Variants in KDM6B observed in about 807,000 individuals in gnomAD.
The protein encoded by KDM6B is lysine demethylase 6B.
KDM6B carries 22 observed loss-of-function variants against 150.4 expected under a neutral mutation model. That is an observed-to-expected ratio of 0.15 (90% CI 0.10 to 0.21). The LOEUF is 0.21. Among genes scored for constraint, KDM6B ranks in the 10% least tolerant of loss-of-function variants. The pLI is 1.00. For missense variants in KDM6B, 1,984 were observed against 2,234.3 expected (o/e 0.89, Z 2.26); for synonymous variants, 1,148 against 921.1 (o/e 1.25, Z -4.46).
rs916329181 is a variant in KDM6B, at chr17:7,843,774, G to A, written c.-268-1127G>A. ...ATGGACCGATCCCGGGAGCCGAGTC[G>A]GCTCCCTACCTGCGGGGACGCCGGG... On this transcript the variant is annotated intron_variant, in intron 2 of 23. Transcript: ENST00000448097. The surrounding 1 kb of genome is among the most constrained non-coding windows in gnomAD (Gnocchi z 4.5). 2.6e-5 allele frequency among the ~76,000 whole-genome samples: 4 copies of A among 152,060 alleles called. No homozygotes were observed. Among genetic ancestry groups the A allele is most frequent in the Admixed American group, 1.3e-4 (2 of 15,278 alleles).
At position 7,851,942 on chromosome 17, in the gene KDM6B, C is replaced by T; in HGVS notation, c.4166-9C>T. 2.2e-5 allele frequency: 35 copies of T among 1,612,980 alleles called. No individual in the cohort carries two copies. The highest frequency in any genetic ancestry group is 3.0e-5 in the Non-Finnish European group (35 of 1,179,316). On this transcript the variant is annotated splice_polypyrimidine_tract_variant and intron_variant, in intron 18 of 23. Transcript: ENST00000448097. ...GGCCAGCCATGCCGTTCTCTGTCGACCCCTGCAGGCCACCAGGAGAATAAC... is the reference window on the plus strand; with the variant it reads ...GGCCAGCCATGCCGTTCTCTGTCGATCCCTGCAGGCCACCAGGAGAATAAC...
Position 7,847,429 on chromosome 17 carries a change from G to A in KDM6B, c.1234G>A (p.Gly412Ser), listed in dbSNP as rs1280292528. 2 of 1,613,672 alleles carry A rather than the reference G, an allele frequency of 1.2e-6. No homozygotes were observed. Among genetic ancestry groups the A allele is most frequent in the Non-Finnish European group, 1.7e-6 (2 of 1,179,952 alleles). ...SSSSSNTGLR[G>S]VEPNPGIPGA... is the part of the protein sequence containing the mutation. ...CAGCAGCAGCAACACTGGTCTCCGG[G>A]GCGTGGAGCCGAACCCAGGCATTGT... Residue 412 changes from glycine to serine, a missense_variant, in exon 11 of 24, where the codon GGC becomes AGC. Transcript: ENST00000448097.
intron 15 of KDM6B, 44 bp from the exon 16 acceptor site, chr17:7,851,286 C>T (rs372180571): frequency 3.7e-6 from 6 of 1,613,570 alleles, no homozygotes; most frequent in African/African-American, 2.7e-5. Flanking sequence ...GGAGGGCTCT[C>T]GAAAGGTCTC....
Position 7,849,673 on chromosome 17 carries a change from C to T in KDM6B, c.3385C>T (p.Arg1129Cys), listed in dbSNP as rs201161946. The T allele has an allele frequency of 7.5e-6, 12 of 1,609,234 alleles. No homozygotes were observed. The highest frequency in any genetic ancestry group is 1.7e-4 in the Middle Eastern group (1 of 6,058). The change falls in exon 12 of 24, where the codon CGC becomes TGC. Residue 1129 changes from arginine to cysteine, a missense_variant. By Grantham distance (180) the Arg-to-Cys change is radical. Coordinates refer to ENST00000448097, the MANE Select transcript of KDM6B (RefSeq NM_001348716.2). ...IASEVEERRL[R>C]MADLTISHCA... ...CTCTGAGGTGGAAGAGCGGCGGCTG[C>T]GCATGGCAGACCTCACCATCAGCCA...
chr17:7,835,854 C>T (rs569004434), intron 1 of KDM6B, among the ~76,000 whole-genome samples: 1 of 152,144 alleles, frequency 6.6e-6, no homozygotes, highest in Admixed American at 6.5e-5. Context: ...TGAGGCTGCG[C>T]TCTTCAGCCC....
chr17:7,839,771 G>A (rs764123967), intron 1 of KDM6B, 135 bp from the exon 2 acceptor site: 11 of 152,164 alleles, frequency 7.2e-5, no homozygotes, highest in Non-Finnish European at 2.9e-5. Context: ...GCTTTTTCTG[G>A]TTGCCATGGA....
rs3744247 is a variant in KDM6B, at chr17:7,848,070, C to A, written c.1782C>A (p.Pro594=). The A allele has an allele frequency of 0.083, 133,436 of 1,612,596 alleles. 8,032 individuals carry two copies. Among genetic ancestry groups the A allele is most frequent in the East Asian group, 0.37 (16,371 of 44,730 alleles). Residue 594 remains proline, a synonymous_variant, in exon 12 of 24, where the codon CCC becomes CCA. Transcript: ENST00000448097. ...GGCCTCCCAGCCCAGCACAGAACCC[C>A]CAGGACCCACCTCTTGTACCCCTGA... ...LPRPPSPAQN[P]QDPPLVPLTL...
At chr17:7,850,983 GC>G (rs767967092) in intron 14 of KDM6B, 37 bp from the exon 15 acceptor site, 1 of 1,303,520 alleles carries the variant, frequency 7.7e-7, no homozygotes, top group South Asian at 1.5e-5. Context: ...CCTATCCTCT[GC>G]CTCTGCCCCG....
rs1170953540 is a variant in KDM6B at position 7,854,261 on chromosome 17, C to T, written c.*740C>T. ...GTCCGCCCGCGGCTCCAGCCGGGTT[C>T]TCATGGTGCTCAAACCCGCTCCCCT... On this transcript the variant is annotated 3_prime_UTR_variant, in exon 24 of 24. Coordinates refer to ENST00000448097, the MANE Select transcript of KDM6B (RefSeq NM_001348716.2). The T allele has an allele frequency of 6.6e-6, 1 of 152,612 alleles. No individual in the cohort carries two copies. Among genetic ancestry groups the T allele is most frequent in the Non-Finnish European group, 1.5e-5 (1 of 68,076 alleles). 9.5% of individuals were successfully genotyped at this position (152,612 alleles called of 1,614,324 possible). A position where few individuals can be genotyped will look rare whatever the true frequency, so the allele number is the denominator to read the frequency against.
chr17:7,841,418 G>C (rs1006235446), intron 2 of KDM6B, among the ~76,000 whole-genome samples: 1 of 152,158 alleles, frequency 6.6e-6, no homozygotes, highest in Non-Finnish European at 1.5e-5. Context: ...CGCCAGTGTC[G>C]CCCCGACTCT....
intron 1 of KDM6B, among the ~76,000 whole-genome samples, chr17:7,835,639 G>C (rs768635794): frequency 1.3e-5 from 2 of 152,146 alleles, no homozygotes; most frequent in Non-Finnish European, 2.9e-5. Flanking sequence ...CAGCCAATGG[G>C]GAAGGGGGAT....
In KDM6B at chr17:7,834,337, C is replaced by A. The variant is rs1363082062; in HGVS notation, c.-401C>A. On this transcript the variant is annotated 5_prime_UTR_variant, in exon 1 of 24. Coordinates refer to ENST00000448097, the MANE Select transcript of KDM6B (RefSeq NM_001348716.2). ...TTGGGGAGCCTGAACACCTGGGACC[C>A]CCCCCAGAACCAGGTAACGGGGAGC... Among the ~76,000 whole-genome samples, 1 of 151,978 alleles carries A rather than the reference C, an allele frequency of 6.6e-6. No individual in the cohort carries two copies. Among genetic ancestry groups the A allele is most frequent in the Admixed American group, 6.5e-5 (1 of 15,274 alleles).
Position 7,848,502 on chromosome 17 carries a change from C to A in KDM6B, c.2214C>A (p.Thr738=), listed in dbSNP as rs1383713864. ...CATCTCTGCAGTCTCCTTTCCCCAC[C>A]GACACAGCCCCCACCACTACTGCTC... ...PFASLQSPFP[T]DTAPTTTAPA... Residue 738 remains threonine, a synonymous_variant, in exon 12 of 24, where the codon ACC becomes ACA. Coordinates refer to ENST00000448097, the MANE Select transcript of KDM6B (RefSeq NM_001348716.2). The A allele has an allele frequency of 6.2e-7, 1 of 1,611,872 alleles. No individual in the cohort carries two copies. Among genetic ancestry groups the A allele is most frequent in the African/African-American group, 1.3e-5 (1 of 74,770 alleles).
At chr17:7,851,306 C>T (rs1156334722) in intron 15 of KDM6B, 24 bp from the exon 16 acceptor site, 3 of 1,613,794 alleles carry the variant, frequency 1.9e-6, no homozygotes, top group Non-Finnish European at 2.5e-6. Flanking sequence ...CTGACCCAGG[C>T]CTGCCTACCC....
rs1431080738 is a variant in KDM6B at position 7,843,489 on chromosome 17, GCAAA to G, written c.-268-1406_-268-1403del. Among the ~76,000 whole-genome samples the G allele has an allele frequency of 6.6e-6, 1 of 152,218 alleles. No individual in the cohort carries two copies. The highest frequency in any genetic ancestry group is 2.4e-5 in the African/African-American group (1 of 41,454). On this transcript the variant is annotated intron_variant, in intron 2 of 23. Transcript: ENST00000448097. This position sits in a 1 kb window ranked among gnomAD's most constrained non-coding sequence, Gnocchi z 4.5. ...ACCTGTAGGGTCCAAGCGCTTCCAT[GCAAA>G]CAAACGACCTTGCCCCTTCGGGAAG... is the stretch of plus-strand genomic sequence containing the variant.
In KDM6B at chr17:7,847,801, T is replaced by C; in HGVS notation, c.1513T>C (p.Phe505Leu). The C allele has an allele frequency of 6.5e-7, 1 of 1,547,490 alleles. No homozygotes were observed. The highest frequency in any genetic ancestry group is 2.3e-4 in the Middle Eastern group (1 of 4,358). ...REDGEILEEL[F>L]FGTEGPPRPA... Reference sequence around the variant, plus strand: ...GGATGGAGAGATCTTAGAAGAGCTCTTCTTTGGGACTGAGGGACCCCCCCG... The same window carrying C: ...GGATGGAGAGATCTTAGAAGAGCTCCTCTTTGGGACTGAGGGACCCCCCCG... Residue 505 changes from phenylalanine (F) to leucine (L), a missense_variant, in exon 12 of 24, where the codon TTC becomes CTC. Around this residue, in one of 13 missense-constraint regions of KDM6B, gnomAD observed 1,379 missense variants for 1,275.6 expected, o/e 1.08. Coordinates refer to ENST00000448097, the MANE Select transcript of KDM6B (RefSeq NM_001348716.2).
chr17:7,850,838 A>G (rs577094537), intron 14 of KDM6B, among the ~76,000 whole-genome samples, 183 bp from the exon 15 acceptor site: 43 of 152,348 alleles, frequency 2.8e-4, no homozygotes, highest in African/African-American at 9.1e-4. Flanking sequence ...GGATGCAGAT[A>G]GAGGCCAGCA....
chr17:7,841,923 C>CGTGT (rs1359508301), intron 2 of KDM6B, among the ~76,000 whole-genome samples: 1 of 152,216 alleles, frequency 6.6e-6, no homozygotes, highest in Non-Finnish European at 1.5e-5. Flanking sequence ...AAGAAGCGAG[C>CGTGT]GTGTAACCCC....
chr17:7,848,086 G>C lies in KDM6B; in HGVS notation c.1798G>C (p.Val600Leu), dbSNP rs1480323634. The C allele has an allele frequency of 6.2e-7, 1 of 1,611,546 alleles. No homozygotes were observed. Among genetic ancestry groups the C allele is most frequent in the Non-Finnish European group, 8.5e-7 (1 of 1,179,292 alleles). ...PAQNPQDPPL[V>L]PLTLALPPAP... ...ACAGAACCCCCAGGACCCACCTCTT[G>C]TACCCCTGACTCTTGCCCTGCCTCC... The change falls in exon 12 of 24, where the codon GTA becomes CTA. Residue 600 changes from valine to leucine, a missense_variant. By Grantham distance (32) the Val-to-Leu change is conservative. This residue lies in a region of KDM6B where 1,379 missense variants were observed against 1,275.6 expected (regional missense o/e 1.08). Coordinates refer to ENST00000448097, the MANE Select transcript of KDM6B (RefSeq NM_001348716.2).
Sources: gnomAD v4.1 joint callset for allele counts (sites outside exome capture counted in the v4.1 genomes callset) on GRCh38, gnomAD v4.1.1 for gene constraint, gnomAD v4.1.1 regional missense constraint, Gnocchi (gnomAD v3.1) non-coding constraint, MANE v1.5 for transcripts, NCBI Gene and HGNC (gene_info 2026-07-23, HGNC 2026-07-21) for gene names.